RAD51B: variants seen among roughly 807,000 people sequenced by gnomAD.
RAD51B encodes the protein DNA repair protein RAD51 homolog 2.
RAD51B carries 38 observed loss-of-function variants against 42.2 expected under a neutral mutation model. The ratio of observed to expected loss-of-function variants is 0.90; its 90% confidence interval spans 0.70 to 1.18. RAD51B has a LOEUF of 1.18. Among genes scored for constraint, RAD51B ranks in the 50% most tolerant of loss-of-function variants. RAD51B has a pLI of 0.00. For synonymous variants in RAD51B, 154 were observed against 145.2 expected (o/e 1.06, Z -0.43); for missense variants, 373 against 400.7 (o/e 0.93, Z 0.59).
chr14:68,655,982 C>T (rs914893913), intron 11 of RAD51B, among the ~76,000 whole-genome samples: 1 of 152,226 alleles, frequency 6.6e-6, no homozygotes, highest in African/African-American at 2.4e-5. Context: ...CCACATTCAA[C>T]CACAGCCATT....
chr14:68,426,544 G>A (rs2084856160), intron 9 of RAD51B, among the ~76,000 whole-genome samples: 1 of 152,218 alleles, frequency 6.6e-6, no homozygotes, highest in South Asian at 2.1e-4. Context: ...AGGATATCTG[G>A]TAGAAGAAAT....
Position 67,937,546 on chromosome 14 carries a change from C to A in RAD51B, c.756+50342C>A, listed in dbSNP as rs190562271. Reference sequence around the variant, plus strand: ...TTTACTCTAGGTATAGTGGGAGTAACCCATTGGCAAGAAAAACTCATATTT... The same window carrying A: ...TTTACTCTAGGTATAGTGGGAGTAAACCATTGGCAAGAAAAACTCATATTT... On this transcript the variant is annotated intron_variant, in intron 7 of 10. Transcript: ENST00000471583. Among the ~76,000 whole-genome samples, 30 of 152,190 alleles carry A rather than the reference C, an allele frequency of 2.0e-4. No homozygotes were observed. The East Asian group carries it at 5.6e-3, about 28-fold the overall frequency.
intron 7 of RAD51B, among the ~76,000 whole-genome samples, chr14:67,964,995 C>T (rs2074741806): frequency 6.6e-6 from 1 of 152,200 alleles, no homozygotes; most frequent in Non-Finnish European, 1.5e-5. Flanking sequence ...CACACGTTAG[C>T]ATTATCACCA....
chr14:68,232,984 T>C (rs180949925), intron 7 of RAD51B, among the ~76,000 whole-genome samples: 11 of 152,334 alleles, frequency 7.2e-5, no homozygotes, highest in African/African-American at 2.6e-4. Flanking sequence ...TAGAAGATAT[T>C]GCCAAAAGCT....
intron 7 of RAD51B, among the ~76,000 whole-genome samples, chr14:68,151,877 C>A: frequency 1.0e-5 from 1 of 96,760 alleles, no homozygotes; most frequent in East Asian, 3.4e-4. Context: ...GAGTTTCACT[C>A]TTGTTGCCCA....
downstream of RAD51B, among the ~76,000 whole-genome samples, chr14:68,613,923 C>T (rs1362799283): frequency 6.6e-6 from 1 of 152,146 alleles, no homozygotes; most frequent in Non-Finnish European, 1.5e-5. Flanking sequence ...TGTTGTGTGG[C>T]CATTCAGAAC....
intron 10 of RAD51B, among the ~76,000 whole-genome samples, chr14:68,607,885 T>C (rs1357556757): frequency 6.6e-6 from 1 of 152,154 alleles, no homozygotes; most frequent in Non-Finnish European, 1.5e-5. Flanking sequence ...ATCGTGCCCC[T>C]TCTCACACAG....
intron 7 of RAD51B, among the ~76,000 whole-genome samples, chr14:68,260,796 G>C (rs1333923152): frequency 6.6e-6 from 1 of 152,114 alleles, no homozygotes; most frequent in Non-Finnish European, 1.5e-5. Flanking sequence ...AGCATTTTCT[G>C]CACTCTATCA....
At chr14:67,909,615 T>G (rs1244290279) in intron 7 of RAD51B, among the ~76,000 whole-genome samples, 1 of 152,176 alleles carries the variant, frequency 6.6e-6, no homozygotes, top group Non-Finnish European at 1.5e-5. Context: ...TAAAATGCTG[T>G]GTAGTCACTA....
chr14:68,104,700 A>T (rs1391647837), intron 7 of RAD51B, among the ~76,000 whole-genome samples: 1 of 152,130 alleles, frequency 6.6e-6, no homozygotes, highest in African/African-American at 2.4e-5. Context: ...TTGAGTGAAT[A>T]TTGGCCCACA....
At chr14:67,935,869 G>A (rs1445581513) in intron 7 of RAD51B, among the ~76,000 whole-genome samples, 1 of 152,130 alleles carries the variant, frequency 6.6e-6, no homozygotes, top group African/African-American at 2.4e-5. Flanking sequence ...GTAGTAAAAG[G>A]TGGGCAGAGA....
chr14:68,597,237 G>C (rs568828204), downstream of RAD51B, among the ~76,000 whole-genome samples: 1 of 152,306 alleles, frequency 6.6e-6, no homozygotes, highest in African/African-American at 2.4e-5. Flanking sequence ...GCCAGGAGCT[G>C]TGCACCGTCT....
chr14:68,509,269 G>C (rs1885553737), intron 10 of RAD51B, among the ~76,000 whole-genome samples: 1 of 152,226 alleles, frequency 6.6e-6, no homozygotes, highest in East Asian at 1.9e-4. Flanking sequence ...AAGTGGTCGT[G>C]TGGCACACGT....
chr14:68,594,502 G>A, exon 11 of RAD51B: 1 of 1,367,218 alleles, frequency 7.3e-7, no homozygotes, highest in Non-Finnish European at 9.7e-7. Flanking sequence ...ATTTTGCTCT[G>A]TCACCCAAGC....
At chr14:68,301,592 G>GTTTTT (rs139865933) in intron 8 of RAD51B, among the ~76,000 whole-genome samples, 6 of 109,778 alleles carry the variant, frequency 5.5e-5, no homozygotes, top group Admixed American at 9.9e-5. Context: ...TTGTTTGTGT[G>GTTTTT]TTTTTTTTTT....
chr14:68,682,909 G>GGTTTTTTT, intron 11 of RAD51B: 1 of 731,010 alleles, frequency 1.4e-6, no homozygotes, highest in Non-Finnish European at 1.6e-6. Context: ...GTAGCTTATG[G>GGTTTTTTT]CTTTTTTTTT....
intron 7 of RAD51B, among the ~76,000 whole-genome samples, chr14:67,989,036 G>A (rs1056616807): frequency 6.6e-6 from 1 of 152,202 alleles, no homozygotes; most frequent in South Asian, 2.1e-4. Flanking sequence ...TATTAGGACT[G>A]TACCCTGTGG....
chr14:68,555,386 G>A (rs1014384729), intron 10 of RAD51B, among the ~76,000 whole-genome samples: 23 of 152,192 alleles, frequency 1.5e-4, no homozygotes, highest in Admixed American at 9.8e-4. Context: ...TGGGTGAGTC[G>A]TACATGAAAC....
At chr14:68,456,907 T>A in intron 9 of RAD51B, among the ~76,000 whole-genome samples, 1 of 109,440 alleles carries the variant, frequency 9.1e-6, no homozygotes, top group African/African-American at 4.9e-5. Context: ...TTTTTTTTTT[T>A]TTTTTTTTTT....
Sources: gnomAD v4.1 joint callset for allele counts (sites outside exome capture counted in the v4.1 genomes callset) on GRCh38, gnomAD v4.1.1 for gene constraint, MANE v1.5 for transcripts, NCBI Gene and HGNC (gene_info 2026-07-23, HGNC 2026-07-21) for gene names.